Variants in ITGA2 observed in about 807,000 individuals in gnomAD.
ITGA2 encodes the protein integrin subunit alpha 2.
A neutral mutation model predicts 146.3 loss-of-function variants in ITGA2; 101 were observed. The observed-to-expected ratio is 0.69, with a 90% CI of 0.59 to 0.81. The LOEUF is 0.81. Ranked by LOEUF, ITGA2 falls within the 40% of genes least tolerant of loss-of-function variation. The probability of loss-of-function intolerance (pLI) is 0.00; values close to 1 mark genes in which losing one functional copy is unlikely to be tolerated. For synonymous variants in ITGA2, 477 were observed against 487.1 expected (o/e 0.98, Z 0.27); for missense variants, 1,281 against 1,402.7 (o/e 0.91, Z 1.39).
chr5:53,027,641 C>G (rs1262006954), intron 2 of ITGA2, among the ~76,000 whole-genome samples: 1 of 152,238 alleles, frequency 6.6e-6, no homozygotes, highest in African/African-American at 2.4e-5. Flanking sequence ...CTGGTGGACA[C>G]AGGTCCTGCC....
chr5:53,072,092 G>T (rs1445487192), intron 18 of ITGA2, 44 bp downstream of exon 18: 2 of 1,345,858 alleles, frequency 1.5e-6, no homozygotes, highest in African/African-American at 2.9e-5. Flanking sequence ...GGCAAATAAA[G>T]TTCCACAGTC....
chr5:53,051,253 C>T (rs1211373197), intron 6 of ITGA2, among the ~76,000 whole-genome samples, 158 bp from the exon 7 acceptor site: 1 of 152,126 alleles, frequency 6.6e-6, no homozygotes, highest in African/African-American at 2.4e-5. Flanking sequence ...GAAATCATTC[C>T]ATTGAAAGAA....
intron 2 of ITGA2, among the ~76,000 whole-genome samples, chr5:53,033,846 C>T (rs1743359387): frequency 6.6e-6 from 1 of 151,586 alleles, no homozygotes; most frequent in South Asian, 2.1e-4. Flanking sequence ...TCACTGCAAG[C>T]TCCGCCTCCT....
Position 53,075,314 on chromosome 5 carries a change from G to T in ITGA2, c.2825+10G>T, listed in dbSNP as rs767786261. On this transcript the variant is annotated intron_variant, in intron 23 of 29. Coordinates refer to ENST00000296585, the MANE Select transcript of ITGA2 (RefSeq NM_002203.4). ...AAATTCACTTAACAAGGTAGGTGAA[G>T]CAGTGGGTAACCTGCTATCACTGAC... The T allele has an allele frequency of 1.2e-6, 2 of 1,608,328 alleles. No individual in the cohort carries two copies. The highest frequency in any genetic ancestry group is 2.2e-5 in the East Asian group (1 of 44,668).
At chr5:53,082,859 G>A (rs946527978) in intron 26 of ITGA2, among the ~76,000 whole-genome samples, 2 of 152,042 alleles carry the variant, frequency 1.3e-5, no homozygotes, top group African/African-American at 4.8e-5. Flanking sequence ...ACTAGCCCTT[G>A]GAACCACTGA....
At chr5:53,023,874 A>C (rs1415140192) in intron 1 of ITGA2, among the ~76,000 whole-genome samples, 3 of 152,240 alleles carry the variant, frequency 2.0e-5, no homozygotes. Flanking sequence ...AGAGATCTGA[A>C]TTGTAAATAC....
intron 4 of ITGA2, among the ~76,000 whole-genome samples, chr5:53,045,997 C>T (rs1233924090): frequency 1.3e-5 from 2 of 151,488 alleles, no homozygotes; most frequent in Non-Finnish European, 2.9e-5. Context: ...TCGAGACCAG[C>T]CTGGCCAACA....
intron 27 of ITGA2, among the ~76,000 whole-genome samples, chr5:53,086,142 A>G (rs1017330246): frequency 2.0e-5 from 3 of 152,122 alleles, no homozygotes; most frequent in Non-Finnish European, 4.4e-5. Flanking sequence ...CCTGACCTCA[A>G]GTAATCTACC....
chr5:53,078,806 G>A lies in ITGA2; in HGVS notation c.2860G>A (p.Asp954Asn), dbSNP rs575795328. Residue 954 changes from aspartate (D) to asparagine (N), a missense_variant, in exon 24 of 30, where the codon GAT becomes AAT. Transcript: ENST00000296585. Reference protein sequence around the residue: ...TNINFYEISSDGNVPSIVHSF... With the variant: ...TNINFYEISSNGNVPSIVHSF... ...CATAAATTTTTATGAAATCTCTTCGGATGGGAATGTTCCTTCAATCGTGCA... is the reference window on the plus strand; with the variant it reads ...CATAAATTTTTATGAAATCTCTTCGAATGGGAATGTTCCTTCAATCGTGCA... 26 of 1,611,038 alleles carry A rather than the reference G, an allele frequency of 1.6e-5. No individual in the cohort carries two copies. In the East Asian group the frequency reaches 5.6e-4, roughly 35 times the overall value.
chr5:53,049,751 G>A (rs1307459102), intron 6 of ITGA2, among the ~76,000 whole-genome samples: 1 of 151,866 alleles, frequency 6.6e-6, no homozygotes, highest in Non-Finnish European at 1.5e-5. Flanking sequence ...TCTGGTTGTA[G>A]CAGTATACTG....
intron 4 of ITGA2, among the ~76,000 whole-genome samples, chr5:53,047,526 C>A (rs3212476): frequency 5.9e-5 from 9 of 151,972 alleles, no homozygotes; most frequent in African/African-American, 2.2e-4. Flanking sequence ...TGGGAAGTGG[C>A]CAAAGTTAAA....
Position 53,067,135 on chromosome 5 carries a change from A to G in ITGA2, c.1961A>G (p.Asp654Gly), listed in dbSNP as rs1745186986. 1 of 1,610,894 alleles carries G rather than the reference A, an allele frequency of 6.2e-7. No individual in the cohort carries two copies. Among genetic ancestry groups the G allele is most frequent in the Admixed American group, 1.7e-5 (1 of 59,780 alleles). The change falls in exon 16 of 30, where the codon GAT becomes GGT. Residue 654 changes from aspartate (D) to glycine (G), a missense_variant. Physicochemically the swap from Asp to Gly is moderately conservative, Grantham distance 94 (BLOSUM62 -1). Transcript: ENST00000296585. ...VVQLWSQSIA[D>G]VAIEASFTPE... ...TCTTTTAGGTCACAAAGTATTGCTGATGTAGCTATAGAAGCTTCATTCACA... is the reference window on the plus strand; with the variant it reads ...TCTTTTAGGTCACAAAGTATTGCTGGTGTAGCTATAGAAGCTTCATTCACA...
intron 7 of ITGA2, among the ~76,000 whole-genome samples, chr5:53,052,959 G>T (rs148565057): frequency 1.3e-5 from 2 of 152,200 alleles, no homozygotes; most frequent in African/African-American, 4.8e-5. Flanking sequence ...AGCTGATGAT[G>T]AATATTTTTA....
intron 17 of ITGA2, among the ~76,000 whole-genome samples, chr5:53,071,496 C>T (rs946564430): frequency 6.6e-6 from 1 of 151,862 alleles, no homozygotes; most frequent in African/African-American, 2.4e-5. Context: ...TAGACAGGCC[C>T]CCAGAAGGAA....
chr5:53,044,102 C>A (rs1315392711), intron 3 of ITGA2, among the ~76,000 whole-genome samples: 1 of 151,292 alleles, frequency 6.6e-6, no homozygotes, highest in Admixed American at 6.6e-5. Flanking sequence ...TGGTGAAACC[C>A]CATCTCTACT....
chr5:53,025,491 T>C (rs1312864133), intron 1 of ITGA2, among the ~76,000 whole-genome samples: 1 of 152,196 alleles, frequency 6.6e-6, no homozygotes, highest in Admixed American at 6.5e-5. Context: ...GATACAGTGA[T>C]TTTGGCACTT....
In ITGA2 at chr5:53,080,602, CTG is replaced by C; in HGVS notation, c.3021_3022del (p.Val1009AlafsTer7). 2 of 1,612,818 alleles carry C rather than the reference CTG, an allele frequency of 1.2e-6. No individual in the cohort carries two copies. Among genetic ancestry groups the C allele is most frequent in the Non-Finnish European group, 1.7e-6 (2 of 1,179,002 alleles). ...GAAAAGAACCCACTGATGTACCTAA[CTG>C]GGGTGCAAACAGACAAGGTAAAGAT... On this transcript the variant is annotated frameshift_variant, in exon 25 of 30. Transcript: ENST00000296585. LOFTEE classifies it high-confidence loss of function.
In ITGA2 at chr5:53,090,925, C is replaced by A; in HGVS notation, c.*326C>A. ...CATGAAATGCTTCCAAGCATGACAA[C>A]TTTTAAAGAAAAATATGATACTCTC... is the stretch of plus-strand genomic sequence containing the variant. On this transcript the variant is annotated 3_prime_UTR_variant, in exon 30 of 30. Coordinates refer to ENST00000296585, the MANE Select transcript of ITGA2 (RefSeq NM_002203.4). 1.8e-6 allele frequency: 1 copy of A among 543,142 alleles called. No homozygotes were observed. 33.6% of individuals were successfully genotyped at this position (543,142 alleles called of 1,614,324 possible). A position where few individuals can be genotyped will look rare whatever the true frequency, so the allele number is the denominator to read the frequency against.
chr5:53,039,655 G>A (rs1354146776), intron 2 of ITGA2, among the ~76,000 whole-genome samples: 2 of 144,192 alleles, frequency 1.4e-5, no homozygotes, highest in Non-Finnish European at 3.0e-5. Context: ...CAGGAGAGTC[G>A]CTTAAACCCG....
Sources: allele counts gnomAD v4.1 joint callset (sites outside exome capture counted in the v4.1 genomes callset), GRCh38; gene constraint gnomAD v4.1.1; transcripts MANE v1.5; gene names NCBI Gene and HGNC (gene_info 2026-07-23, HGNC 2026-07-21).